The following SGSM2 variants were observed in gnomAD, a reference collection of about 807,000 sequenced individuals.
The protein encoded by SGSM2 is RUN and TBC1 domain containing 1.
In SGSM2, 89 loss-of-function variants were observed where a neutral mutation model predicts 126.6. The ratio of observed to expected loss-of-function variants is 0.70; its 90% CI spans 0.59 to 0.84. SGSM2 has a LOEUF of 0.84. SGSM2 is among the 40% of genes least tolerant of loss of function. SGSM2 has a pLI of 0.00. For synonymous variants in SGSM2, 614 were observed against 574.3 expected (o/e 1.07, Z -0.99); for missense variants, 1,404 against 1,416.6 (o/e 0.99, Z 0.14).
At chr17:2,339,706 T>TC (rs2064263306) in intron 1 of SGSM2, among the ~76,000 whole-genome samples, 1 of 119,554 alleles carries the variant, frequency 8.4e-6, no homozygotes, top group African/African-American at 3.3e-5. Context: ...ACACTCCATC[T>TC]CAAAAAAAAA....
rs2306072 is a variant in SGSM2 at position 2,377,785 on chromosome 17, G to A, written c.2803-72G>A. On this transcript the variant is annotated intron_variant, in intron 21 of 23. Transcript: ENST00000268989. ...ATCGCCTGCATCCCTGGGCGTGAGC[G>A]GACGGTGAGTGGCGGCCAGAGGCAG... The A allele has an allele frequency of 6.3e-4, 628 of 991,150 alleles. 7 individuals are homozygous for A. In the East Asian group the frequency reaches 0.014, roughly 22 times the overall value. The allele number at this position is 991,150 out of a possible 1,614,324, so 61.4% of individuals were successfully genotyped here.
In SGSM2 at chr17:2,372,286, C is replaced by T; in HGVS notation, c.1642+32C>T. ...GTGGGGCGCGCCGGGCTGTGGCGGG[C>T]TGGGGGCGGGCGGCCCTGGGTCCCA... On this transcript the variant is annotated intron_variant, in intron 14 of 23. Coordinates refer to ENST00000268989, the MANE Select transcript of SGSM2 (RefSeq NM_014853.3). The surrounding 1 kb of genome is among the most constrained non-coding windows in gnomAD (Gnocchi z 6.0). The T allele has an allele frequency of 6.2e-7, 1 of 1,611,616 alleles. No individual in the cohort carries two copies. The highest frequency in any genetic ancestry group is 8.5e-7 in the Non-Finnish European group (1 of 1,179,116).
chr17:2,341,412 T>C (rs1337892794), intron 1 of SGSM2, among the ~76,000 whole-genome samples: 3 of 152,154 alleles, frequency 2.0e-5, no homozygotes, highest in African/African-American at 7.2e-5. Flanking sequence ...TTAGAGTGCA[T>C]TTGCATTAAT....
intron 1 of SGSM2, among the ~76,000 whole-genome samples, chr17:2,338,500 C>T (rs2064190464): frequency 6.6e-6 from 1 of 152,094 alleles, no homozygotes; most frequent in South Asian, 2.1e-4. Flanking sequence ...AGAGCTCCAA[C>T]CCACAGCGCA....
In SGSM2 at chr17:2,363,641, G is replaced by A. The variant is rs150800468; in HGVS notation, c.807+42G>A. The A allele has an allele frequency of 1.1e-4, 172 of 1,603,016 alleles. No homozygotes were observed. The African/African-American group carries it at 1.9e-3, about 18-fold the overall frequency. On this transcript the variant is annotated intron_variant, in intron 7 of 23. Transcript: ENST00000268989. The surrounding 1 kb of genome is among the most constrained non-coding windows in gnomAD (Gnocchi z 4.2). ...CTGCCATCCCTCCCCGAAGGTCCCC[G>A]AACGAGACGACTGGAAGCCTCTAGC... is the stretch of plus-strand genomic sequence containing the variant.
At position 2,380,414 on chromosome 17, in the gene SGSM2, C is replaced by G; in HGVS notation, c.*894C>G. 6 of 1,026,928 alleles carry G rather than the reference C, an allele frequency of 5.8e-6. No individual in the cohort carries two copies. The highest frequency in any genetic ancestry group is 1.4e-5 in the South Asian group (1 of 71,930). 63.6% of individuals were successfully genotyped at this position (1,026,928 alleles called of 1,614,324 possible). A position where few individuals can be genotyped will look rare whatever the true frequency, so the allele number is the denominator to read the frequency against. On this transcript the variant is annotated 3_prime_UTR_variant, in exon 24 of 24. Transcript: ENST00000268989. The stretch of plus-strand genomic sequence containing the variant: ...CTCCCCTCAGAGACAGGCCTCAGTT[C>G]GAGGGCAGCCCATTATCTGTCGCAG...
At chr17:2,345,886 G>A (rs563091052) in intron 2 of SGSM2, among the ~76,000 whole-genome samples, 2 of 152,112 alleles carry the variant, frequency 1.3e-5, no homozygotes, top group South Asian at 2.1e-4. Flanking sequence ...ACTGAGGCTC[G>A]TTGAAAGCAT....
At chr17:2,371,148 T>G (rs1302882285) in intron 12 of SGSM2, 114 bp from the exon 13 acceptor site, 6 of 1,221,632 alleles carry the variant, frequency 4.9e-6, no homozygotes, top group Non-Finnish European at 6.6e-6. Flanking sequence ...TCTGTGATTT[T>G]CCACCCATGG....
chr17:2,338,526 G>A (rs1450301041), intron 1 of SGSM2, among the ~76,000 whole-genome samples: 2 of 151,952 alleles, frequency 1.3e-5, no homozygotes, highest in Non-Finnish European at 2.9e-5. Flanking sequence ...GAATACATTG[G>A]GCCTCCTTCC....
rs757838798 is a variant in SGSM2 at position 2,337,664 on chromosome 17, G to T, written c.-25G>T. 1 of 1,447,494 alleles carries T rather than the reference G, an allele frequency of 6.9e-7. No individual in the cohort carries two copies. The highest frequency in any genetic ancestry group is 1.5e-5 in the African/African-American group (1 of 68,170). The allele number at this position is 1,447,494 out of a possible 1,614,324, so 89.7% of individuals were successfully genotyped here. A position where few individuals can be genotyped will look rare whatever the true frequency, so the allele number is the denominator to read the frequency against. ...CGAGGGCGCGGGGGCTCTGAGGACC[G>T]CTCGGCGCCGCCTCCTGCCACACCA... On this transcript the variant is annotated 5_prime_UTR_variant, in exon 1 of 24. Transcript: ENST00000268989. The surrounding 1 kb of genome is among the most constrained non-coding windows in gnomAD (Gnocchi z 5.1).
chr17:2,364,251 G>A, intron 8 of SGSM2, 68 bp downstream of exon 8: 1 of 1,596,360 alleles, frequency 6.3e-7, no homozygotes, highest in Non-Finnish European at 8.5e-7. Flanking sequence ...GCAGAGGGAT[G>A]GAGAAACCCC....
intron 21 of SGSM2, chr17:2,377,486 A>AAAAAAAAAAAAACAAAAAAAAAG (rs1418295261): frequency 5.7e-6 from 1 of 174,402 alleles, no homozygotes; most frequent in African/African-American, 2.6e-5. Context: ...TCTGTCTCAA[A>AAAAAAAAAAAAACAAAAAAAAAG]AAAAAAAAAA....
intron 2 of SGSM2, among the ~76,000 whole-genome samples, chr17:2,353,783 A>G (rs527873811): frequency 6.6e-6 from 1 of 151,056 alleles, no homozygotes; most frequent in South Asian, 2.1e-4. Flanking sequence ...AAAAGCGTGC[A>G]GTGAAAAGTC....
At chr17:2,348,545 G>A (rs2064705641) in intron 2 of SGSM2, among the ~76,000 whole-genome samples, 2 of 152,310 alleles carry the variant, frequency 1.3e-5, no homozygotes, top group East Asian at 1.9e-4. Flanking sequence ...GGGCATTGCG[G>A]AGGGCATATG....
Position 2,362,805 on chromosome 17 carries a change from G to A in SGSM2, c.459-33G>A. 6.2e-7 allele frequency: 1 copy of A among 1,611,500 alleles called. No individual in the cohort carries two copies. Among genetic ancestry groups the A allele is most frequent in the South Asian group, 1.1e-5 (1 of 91,000 alleles). On this transcript the variant is annotated intron_variant, in intron 4 of 23. Coordinates refer to ENST00000268989, the MANE Select transcript of SGSM2 (RefSeq NM_014853.3). This position sits in a 1 kb window ranked among gnomAD's most constrained non-coding sequence, Gnocchi z 4.9. ...TGACTGCCCTGGAATGAGCCCCGGA[G>A]CCTCGGCAGTCACACTGTCTGTCTC... is the stretch of plus-strand genomic sequence containing the variant.
intron 1 of SGSM2, among the ~76,000 whole-genome samples, chr17:2,339,662 C>T (rs556419143): frequency 2.8e-4 from 42 of 148,234 alleles, no homozygotes; most frequent in African/African-American, 9.8e-4. Context: ...GAGCCCAGAT[C>T]GTGCCACTGC....
At position 2,363,085 on chromosome 17, in the gene SGSM2, G is replaced by T; in HGVS notation, c.623G>T (p.Arg208Leu). 6.2e-7 allele frequency: 1 copy of T among 1,613,280 alleles called. No homozygotes were observed. The highest frequency in any genetic ancestry group is 2.2e-5 in the East Asian group (1 of 44,850). ...GAGCTGGTCCAGCGGCACCGCATCC[G>T]GGGTCCACCTACTCGCCAGGACTCC... ...ADELVQRHRIRGPPTRQDSPA... is the reference protein window; with the variant it reads ...ADELVQRHRILGPPTRQDSPA... Residue 208 changes from arginine (R) to leucine (L), a missense_variant, in exon 6 of 24, where the codon CGG (arginine) becomes CTG (leucine). Transcript: ENST00000268989. This position sits in a 1 kb window ranked among gnomAD's most constrained non-coding sequence, Gnocchi z 4.2.
intron 12 of SGSM2, among the ~76,000 whole-genome samples, chr17:2,370,349 T>C (rs554905466): frequency 2.6e-5 from 4 of 152,366 alleles, no homozygotes; most frequent in Admixed American, 2.6e-4. Flanking sequence ...ACGTGGGCCG[T>C]GGAAGCTCTC....
chr17:2,345,479 C>T (rs2064559830), intron 2 of SGSM2, among the ~76,000 whole-genome samples: 1 of 151,798 alleles, frequency 6.6e-6, no homozygotes, highest in Non-Finnish European at 1.5e-5. Flanking sequence ...GCCTGTAGTC[C>T]CAGCTACTCA....
Sources: allele counts gnomAD v4.1 joint callset (sites outside exome capture counted in the v4.1 genomes callset), GRCh38; gene constraint gnomAD v4.1.1; non-coding constraint Gnocchi (gnomAD v3.1); transcripts MANE v1.5; gene names NCBI Gene and HGNC (gene_info 2026-07-23, HGNC 2026-07-21).